TAOK2: variants seen among roughly 807,000 people sequenced by gnomAD.
TAOK2 encodes TAO kinase 2.
TAOK2 carries 42 observed loss-of-function variants against 122.5 expected under a neutral mutation model. The ratio of observed to expected loss-of-function variants is 0.34; its 90% CI spans 0.27 to 0.44. The LOEUF (loss-of-function observed/expected upper bound fraction) is 0.44. TAOK2 is among the 20% of genes least tolerant of loss of function. The pLI is 1.00. For missense variants in TAOK2, 1,264 were observed against 1,644.9 expected (o/e 0.77, Z 4.01); for synonymous variants, 704 against 677.6 (o/e 1.04, Z -0.61).
chr16:29,987,056 T>TG lies in TAOK2; in HGVS notation c.2785dup (p.Glu929GlyfsTer65). ...GTTGTCCTTCCCCCGACATCCCTCCTGAACCCCCTCCAACACACCTGAGGC... is the reference window on the plus strand; with the variant it reads ...GTTGTCCTTCCCCCGACATCCCTCCTGGAACCCCCTCCAACACACCTGAGGC... On this transcript the variant is annotated frameshift_variant, in exon 16 of 16. Transcript: ENST00000308893. LOFTEE classifies it high-confidence loss of function. 1 of 1,613,454 alleles carries TG rather than the reference T, an allele frequency of 6.2e-7. No individual in the cohort carries two copies. Among genetic ancestry groups the TG allele is most frequent in the Non-Finnish European group, 8.5e-7 (1 of 1,179,574 alleles).
At chr16:29,991,504 C>A, downstream of TAOK2, 1 of 1,479,948 alleles carries the variant, frequency 6.8e-7, no homozygotes, top group South Asian at 1.4e-5. The surrounding 1 kb of genome is among the most constrained non-coding windows in gnomAD (Gnocchi z 5.6). Flanking sequence ...GTGCCCGGGC[C>A]CCTGAGCCGC....
In TAOK2 at chr16:29,979,308, G is replaced by GGTGA. The variant is rs746905198; in HGVS notation, c.563+12_563+15dup. 3 of 1,614,052 alleles carry GGTGA rather than the reference G, an allele frequency of 1.9e-6. No homozygotes were observed. Among genetic ancestry groups the GGTGA allele is most frequent in the East Asian group, 2.2e-5 (1 of 44,882 alleles). On this transcript the variant is annotated stop_gained and frameshift_variant and splice_region_variant. Coordinates refer to ENST00000308893, the MANE Select transcript of TAOK2 (RefSeq NM_016151.4). LOFTEE classifies it high-confidence loss of function. This position sits in a 1 kb window ranked among gnomAD's most constrained non-coding sequence, Gnocchi z 4.1. ...AACTCCTTCGTGGGCACCCCATACT[G>GGTGA]GTGAGTGAGTGAGTGGTGGTGAGTG...
Position 29,988,209 on chromosome 16 carries a change from G to A in TAOK2, c.*229G>A, listed in dbSNP as rs2069876552. 2 of 1,432,516 alleles carry A rather than the reference G, an allele frequency of 1.4e-6. No homozygotes were observed. The highest frequency in any genetic ancestry group is 1.8e-6 in the Non-Finnish European group (2 of 1,098,792). The allele number at this position is 1,432,516 out of a possible 1,614,324, so 88.7% of individuals were successfully genotyped here. On this transcript the variant is annotated 3_prime_UTR_variant, in exon 16 of 16. Coordinates refer to ENST00000308893, the MANE Select transcript of TAOK2 (RefSeq NM_016151.4). ...CTCCTCCCCTAAGTTATTGCTGTTC[G>A]CCCGCTGTGTGTGCTCATCCTCACC... is the stretch of plus-strand genomic sequence containing the variant.
intron 1 of TAOK2, among the ~76,000 whole-genome samples, chr16:29,976,486 A>T (rs1018407916): frequency 2.0e-5 from 3 of 152,246 alleles, no homozygotes; most frequent in Non-Finnish European, 4.4e-5. Flanking sequence ...TAAAATTGTT[A>T]GGTGCTTTTG....
At position 29,986,299 on chromosome 16, in the gene TAOK2, A is replaced by G; in HGVS notation, c.2027A>G (p.Glu676Gly). The change falls in exon 16 of 16, where the codon GAG (glutamate) becomes GGG (glycine). Residue 676 changes from glutamate (E) to glycine (G), a missense_variant. Physicochemically the swap from Glu to Gly is moderately conservative, Grantham distance 98 (BLOSUM62 -2). Coordinates refer to ENST00000308893, the MANE Select transcript of TAOK2 (RefSeq NM_016151.4). This position sits in a 1 kb window ranked among gnomAD's most constrained non-coding sequence, Gnocchi z 4.2. ...LNKKQTQKDL[E>G]CALLLRQHEA... The stretch of plus-strand genomic sequence containing the variant: ...AAGAAGCAGACCCAGAAGGACTTGG[A>G]GTGTGCACTGCTGCTTCGGCAGCAC... 6.5e-7 allele frequency: 1 copy of G among 1,543,554 alleles called. No homozygotes were observed. Among genetic ancestry groups the G allele is most frequent in the Non-Finnish European group, 8.7e-7 (1 of 1,144,376 alleles).
chr16:29,985,984 C>G lies in TAOK2; in HGVS notation c.1992+123C>G. The G allele has an allele frequency of 8.1e-7, 1 of 1,232,456 alleles. No individual in the cohort carries two copies. The allele number at this position is 1,232,456 out of a possible 1,614,324, so 76.3% of individuals were successfully genotyped here. On this transcript the variant is annotated intron_variant, in intron 15 of 15. Coordinates refer to ENST00000308893, the MANE Select transcript of TAOK2 (RefSeq NM_016151.4). The surrounding 1 kb of genome is among the most constrained non-coding windows in gnomAD (Gnocchi z 6.9). ...CCTCGAGTGTTACAGTTCAGCTTTG[C>G]TTCAGTGCCCCTTTTACTTCTCATC...
intron 13 of TAOK2, among the ~76,000 whole-genome samples, chr16:29,983,952 G>C (rs2069701674): frequency 6.6e-6 from 1 of 152,202 alleles, no homozygotes; most frequent in Non-Finnish European, 1.5e-5. Context: ...AGGCTCCTCT[G>C]GTGAGTCAGA....
chr16:29,975,426 C>G (rs760991222), intron 1 of TAOK2, among the ~76,000 whole-genome samples: 1 of 152,238 alleles, frequency 6.6e-6, no homozygotes, highest in Non-Finnish European at 1.5e-5. Context: ...TTCCCTGATG[C>G]ATGCCTGGTT....
downstream of TAOK2, chr16:29,989,932 C>T (rs2069927904): frequency 4.9e-6 from 4 of 812,110 alleles, no homozygotes; most frequent in South Asian, 1.7e-5. Context: ...ACATACTCTC[C>T]CTCTGTTCGT....
At chr16:29,989,113 T>C (rs1365920337), downstream of TAOK2, 2 of 985,294 alleles carry the variant, frequency 2.0e-6, no homozygotes, top group Non-Finnish European at 1.2e-6. Context: ...TGTTGCTTTC[T>C]TCATGGGTGT....
chr16:29,989,371 G>A (rs1037411355), downstream of TAOK2: 30 of 983,826 alleles, frequency 3.0e-5, no homozygotes, highest in Middle Eastern at 5.2e-4. Flanking sequence ...CTCTCAACAC[G>A]ATCCCACCTC....
Position 29,979,613 on chromosome 16 carries a change from A to AGG in TAOK2, c.655+105_655+106insGG. On this transcript the variant is annotated intron_variant, in intron 8 of 15. Transcript: ENST00000308893. The surrounding 1 kb of genome is among the most constrained non-coding windows in gnomAD (Gnocchi z 4.1). ...CCTAGGGATGGGATCCCAGGCCTCC[A>AGG]AGTTCCTGTCCGTTGTGACTCTACC... The AGG allele has an allele frequency of 2.1e-6, 2 of 946,080 alleles. No homozygotes were observed. The highest frequency in any genetic ancestry group is 3.1e-6 in the Non-Finnish European group (2 of 654,138). 58.6% of individuals were successfully genotyped at this position (946,080 alleles called of 1,614,324 possible).
At chr16:29,989,144 C>A (rs1323600099), downstream of TAOK2, 2 of 985,192 alleles carry the variant, frequency 2.0e-6, no homozygotes, top group South Asian at 9.4e-5. Context: ...TGGTTCTTCT[C>A]GCTTGTTCTC....
chr16:29,991,284 G>A, downstream of TAOK2: 2 of 1,611,802 alleles, frequency 1.2e-6, no homozygotes, highest in Non-Finnish European at 1.7e-6. This position sits in a 1 kb window ranked among gnomAD's most constrained non-coding sequence, Gnocchi z 5.6. Flanking sequence ...CTGGAGCCAT[G>A]GCCCTCCTCC....
In TAOK2 at chr16:29,979,370, A is replaced by G; in HGVS notation, c.564-47A>G. 6.2e-7 allele frequency: 1 copy of G among 1,608,314 alleles called. No homozygotes were observed. On this transcript the variant is annotated intron_variant, in intron 7 of 15. Coordinates refer to ENST00000308893, the MANE Select transcript of TAOK2 (RefSeq NM_016151.4). This position sits in a 1 kb window ranked among gnomAD's most constrained non-coding sequence, Gnocchi z 4.1. ...CAGGGATGTTGGGAGTAGGAGTGAC[A>G]GGGTCTCGGCGGGTGATTTGCCTCT...
downstream of TAOK2, chr16:29,990,068 A>T: frequency 2.4e-6 from 1 of 420,432 alleles, no homozygotes; most frequent in East Asian, 4.5e-5. Context: ...AGTGGCTATT[A>T]TTTTTTTCCT....
At chr16:29,989,342 A>G (rs1046351642), downstream of TAOK2, 19 of 984,514 alleles carry the variant, frequency 1.9e-5, no homozygotes, top group Non-Finnish European at 2.2e-5. Context: ...TCTCTTGCCC[A>G]TCGAGACCTT....
At position 29,987,722 on chromosome 16, in the gene TAOK2, C is replaced by A. The variant is rs748105260; in HGVS notation, c.3450C>A (p.Val1150=). 7.4e-6 allele frequency: 12 copies of A among 1,613,986 alleles called. No homozygotes were observed. In the African/African-American group the frequency reaches 1.3e-4, roughly 18 times the overall value. The change falls in exon 16 of 16, where the codon GTC becomes GTA. Residue 1150 remains valine (V), a synonymous_variant. Coordinates refer to ENST00000308893, the MANE Select transcript of TAOK2 (RefSeq NM_016151.4). ...TQHPLALLAR[V]WVLCKGWNWR... The stretch of plus-strand genomic sequence containing the variant: ...ACCCATTAGCTCTGTTGGCAAGGGT[C>A]TGGGTCCTGTGCAAGGGCTGGAACT...
At chr16:29,989,393 C>CT (rs2069911130), downstream of TAOK2, 1 of 985,030 alleles carries the variant, frequency 1.0e-6, no homozygotes, top group Non-Finnish European at 1.2e-6. Context: ...CCATGTCTGT[C>CT]TGTCTGTATA....
Sources: allele counts gnomAD v4.1 joint callset (sites outside exome capture counted in the v4.1 genomes callset), GRCh38; gene constraint gnomAD v4.1.1; non-coding constraint Gnocchi (gnomAD v3.1); transcripts MANE v1.5; gene names NCBI Gene and HGNC (gene_info 2026-07-23, HGNC 2026-07-21).